The following FAM13A variants were observed in gnomAD, a reference collection of about 807,000 sequenced individuals.
FAM13A encodes protein FAM13A.
FAM13A carries 76 observed loss-of-function variants against 129.6 expected under a neutral mutation model. The ratio of observed to expected loss-of-function variants is 0.59; its 90% CI spans 0.49 to 0.71. FAM13A has a LOEUF of 0.71. Among genes scored for constraint, FAM13A ranks in the 30% least tolerant of loss-of-function variants. The pLI, the probability that FAM13A is intolerant of heterozygous loss-of-function variation, is 0.00. For synonymous variants in FAM13A, 443 were observed against 449.9 expected, an observed-to-expected ratio of 0.98 and a Z score of 0.20; for missense variants, 1,108 against 1,249.3, an observed-to-expected ratio of 0.89 and a Z score of 1.70.
chr4:88,928,191 G>A (rs758635362), intron 5 of FAM13A, among the ~76,000 whole-genome samples: 3 of 152,078 alleles, frequency 2.0e-5, no homozygotes, highest in Non-Finnish European at 4.4e-5. Flanking sequence ...ACTGTGGTCT[G>A]AGAAAATACT....
chr4:88,977,372 G>A (rs1343277859), intron 4 of FAM13A, among the ~76,000 whole-genome samples: 1 of 152,046 alleles, frequency 6.6e-6, no homozygotes, highest in Admixed American at 6.5e-5. Flanking sequence ...GCAAATAAAG[G>A]GATACCACTG....
At chr4:89,056,789 A>C (rs550208101) in intron 1 of FAM13A, 149 bp downstream of exon 1, 1 of 743,002 alleles carries the variant, frequency 1.3e-6, no homozygotes, top group Non-Finnish European at 2.2e-6. Flanking sequence ...ATACCCATTT[A>C]AGTAGATAGG....
intron 10 of FAM13A, among the ~76,000 whole-genome samples, chr4:88,784,395 G>A (rs1723575811): frequency 6.6e-6 from 1 of 152,118 alleles, no homozygotes; most frequent in Non-Finnish European, 1.5e-5. Flanking sequence ...TCTAATCTTA[G>A]ATGGAGCAGG....
chr4:88,874,405 C>CA (rs1742002587), intron 6 of FAM13A, among the ~76,000 whole-genome samples: 1 of 152,150 alleles, frequency 6.6e-6, no homozygotes, highest in Admixed American at 6.5e-5. Context: ...CGTCTCAGCC[C>CA]AAAATCTCCT....
intron 6 of FAM13A, among the ~76,000 whole-genome samples, chr4:88,893,042 G>A (rs1745634829): frequency 6.6e-6 from 1 of 152,098 alleles, no homozygotes; most frequent in African/African-American, 2.4e-5. Context: ...TAATCCAATA[G>A]TAAAACTATC....
intron 6 of FAM13A, among the ~76,000 whole-genome samples, chr4:88,883,590 C>T (rs1390036684): frequency 6.6e-6 from 1 of 151,940 alleles, no homozygotes; most frequent in African/African-American, 2.4e-5. Flanking sequence ...AATCTAAGGT[C>T]ACACCTCAAG....
At chr4:89,002,362 G>A (rs1240735834) in intron 3 of FAM13A, among the ~76,000 whole-genome samples, 3 of 152,072 alleles carry the variant, frequency 2.0e-5, no homozygotes, top group Non-Finnish European at 2.9e-5. Context: ...CTTAGTCTCC[G>A]GGTAATATCA....
chr4:88,777,746 TACTC>T (rs775902928), intron 11 of FAM13A, among the ~76,000 whole-genome samples: 3 of 152,236 alleles, frequency 2.0e-5, no homozygotes, highest in Non-Finnish European at 4.4e-5. Flanking sequence ...TGAAGCCATT[TACTC>T]ACTGTCTTCA....
chr4:88,962,230 A>C (rs1758719884), intron 4 of FAM13A, among the ~76,000 whole-genome samples: 1 of 152,218 alleles, frequency 6.6e-6, no homozygotes. Flanking sequence ...GATTTCAAAC[A>C]CAATGTTATC....
intron 1 of FAM13A, among the ~76,000 whole-genome samples, chr4:89,041,808 T>C (rs1277323550): frequency 6.6e-6 from 1 of 151,890 alleles, no homozygotes; most frequent in Non-Finnish European, 1.5e-5. Flanking sequence ...TAATCCCAGC[T>C]ACTCCAGAGG....
At chr4:88,953,331 T>C (rs1757243036) in intron 4 of FAM13A, among the ~76,000 whole-genome samples, 1 of 152,038 alleles carries the variant, frequency 6.6e-6, no homozygotes, top group Non-Finnish European at 1.5e-5. Flanking sequence ...GGCAGGCACC[T>C]GTAATCCCAG....
At chr4:88,984,411 T>C (rs1050336082) in intron 4 of FAM13A, among the ~76,000 whole-genome samples, 1 of 152,140 alleles carries the variant, frequency 6.6e-6, no homozygotes, top group African/African-American at 2.4e-5. Flanking sequence ...GGAATTTATA[T>C]GCAAAGTATA....
At chr4:88,861,411 G>T (rs1258940399) in intron 6 of FAM13A, among the ~76,000 whole-genome samples, 1 of 147,440 alleles carries the variant, frequency 6.8e-6, no homozygotes, top group Non-Finnish European at 1.5e-5. Flanking sequence ...TAAACTAAAC[G>T]AAATAATCCA....
At chr4:88,864,565 C>T (rs1740061160) in intron 6 of FAM13A, among the ~76,000 whole-genome samples, 1 of 152,022 alleles carries the variant, frequency 6.6e-6, no homozygotes, top group South Asian at 2.1e-4. Context: ...CGCGCCACCA[C>T]ACCCGGCTAA....
chr4:89,041,061 T>C (rs1310071456), intron 1 of FAM13A, among the ~76,000 whole-genome samples: 5 of 152,212 alleles, frequency 3.3e-5, no homozygotes, highest in Admixed American at 2.6e-4. Flanking sequence ...CTCTCAGGCC[T>C]TCAGCCACCT....
chr4:88,729,850 C>T (rs1737264844), intron 23 of FAM13A: 1 of 152,154 alleles, frequency 6.6e-6, no homozygotes, highest in East Asian at 1.9e-4. Flanking sequence ...AAAAAATAGG[C>T]TTAGATGAAA....
intron 6 of FAM13A, among the ~76,000 whole-genome samples, chr4:88,894,750 G>C (rs181412675): frequency 4.6e-5 from 7 of 152,216 alleles, no homozygotes; most frequent in Middle Eastern, 3.4e-3. Flanking sequence ...TAGAACTCCT[G>C]GCCTCACGTG....
intron 8 of FAM13A, among the ~76,000 whole-genome samples, chr4:88,797,815 G>C (rs1318375640): frequency 6.6e-6 from 1 of 151,970 alleles, no homozygotes; most frequent in Non-Finnish European, 1.5e-5. Flanking sequence ...GTTTCAAAAA[G>C]GTTTATGTCC....
At chr4:88,985,475 TCTTAAAA>T (rs1365889378) in intron 4 of FAM13A, among the ~76,000 whole-genome samples, 1 of 152,108 alleles carries the variant, frequency 6.6e-6, no homozygotes, top group Non-Finnish European at 1.5e-5. Context: ...TCAATAAAAC[TCTTAAAA>T]CTTAAAAAAT....
Sources: gnomAD v4.1 joint callset for allele counts (sites outside exome capture counted in the v4.1 genomes callset) on GRCh38, gnomAD v4.1.1 for gene constraint, MANE v1.5 for transcripts, NCBI Gene and HGNC (gene_info 2026-07-23, HGNC 2026-07-21) for gene names.